Variants in SETX observed in about 807,000 individuals in gnomAD.
The protein encoded by SETX is helicase senataxin.
SETX carries 90 observed loss-of-function variants against 227.2 expected under a neutral mutation model. The ratio of observed to expected loss-of-function variants is 0.40; its 90% CI spans 0.33 to 0.47. The LOEUF (loss-of-function observed/expected upper bound fraction) is 0.47. Among genes scored for constraint, SETX ranks in the 20% least tolerant of loss-of-function variants. The pLI is 0.91. For synonymous variants in SETX, 1,210 were observed against 1,113.2 expected (o/e 1.09, Z -1.73); for missense variants, 3,052 against 3,181.5 (o/e 0.96, Z 0.98).
chr9:132,335,297 A>G (rs1847539102), intron 6 of SETX, among the ~76,000 whole-genome samples: 1 of 143,844 alleles, frequency 7.0e-6, no homozygotes, highest in African/African-American at 2.5e-5. Context: ...AGGCTGAGGC[A>G]GGAGAATGGC....
At chr9:132,324,151 A>G (rs1846557001) in intron 10 of SETX, among the ~76,000 whole-genome samples, 2 of 151,594 alleles carry the variant, frequency 1.3e-5, no homozygotes, top group Admixed American at 1.3e-4. Context: ...TAACTCAGGA[A>G]ATGAAAGTAA....
At chr9:132,338,450 T>C (rs2131517313) in intron 5 of SETX, among the ~76,000 whole-genome samples, 1 of 152,242 alleles carries the variant, frequency 6.6e-6, no homozygotes, top group African/African-American at 2.4e-5. Flanking sequence ...GAAAAGTAAT[T>C]TTCATGTAAG....
rs569453164 is a variant in SETX, at chr9:132,315,021, TC to T, written c.5275-3166del. Among the ~76,000 whole-genome samples, 196 of 148,352 alleles carry T rather than the reference TC, an allele frequency of 1.3e-3. 1 individual carries two copies. The highest frequency in any genetic ancestry group is 4.4e-3 in the African/African-American group (179 of 40,548). On this transcript the variant is annotated intron_variant, in intron 10 of 25. Coordinates refer to ENST00000224140, the MANE Select transcript of SETX (RefSeq NM_015046.7). ...GCCACCTCCCGGGTTCAAGCAATTC[TC>T]CTGCCTCAGCCTCCTGAGTAGCTGG...
chr9:132,323,830 G>A (rs1241002267), intron 10 of SETX, among the ~76,000 whole-genome samples: 1 of 152,046 alleles, frequency 6.6e-6, no homozygotes, highest in East Asian at 1.9e-4. Flanking sequence ...CAGAGGCCAA[G>A]AGGTTGAGGC....
chr9:132,289,631 A>C (rs1467369750), intron 15 of SETX, among the ~76,000 whole-genome samples: 3 of 152,212 alleles, frequency 2.0e-5, no homozygotes, highest in African/African-American at 7.2e-5. Flanking sequence ...TGTAATTTTC[A>C]GAACAGAATC....
chr9:132,301,821 G>A lies in SETX; in HGVS notation c.5375-1018C>T, dbSNP rs1039400279. On this transcript the variant is annotated intron_variant, in intron 11 of 25. Coordinates refer to ENST00000224140, the MANE Select transcript of SETX (RefSeq NM_015046.7). Reference sequence around the variant, plus strand: ...CAACTTCTACGCATTTCAAACAAGTGGGGAAAGACGGTTGTAAACTACATG... The same window carrying A: ...CAACTTCTACGCATTTCAAACAAGTAGGGAAAGACGGTTGTAAACTACATG... Among the ~76,000 whole-genome samples, 3 of 152,128 alleles carry A rather than the reference G, an allele frequency of 2.0e-5. 1 individual carries two copies. The highest frequency in any genetic ancestry group is 4.4e-5 in the Non-Finnish European group (3 of 68,022).
chr9:132,300,725 A>G lies in SETX; in HGVS notation c.5453T>C (p.Ile1818Thr). The G allele has an allele frequency of 1.2e-6, 2 of 1,613,702 alleles. No homozygotes were observed. The highest frequency in any genetic ancestry group is 8.5e-7 in the Non-Finnish European group (1 of 1,179,860). The part of the protein sequence containing the change: ...NDLVFLAPER[I>T]NEEKKDTERN... Reference sequence around the variant, plus strand: ...CTCTGTATCTTTCTTCTCTTCATTTATTCTCTCAGGAGCTAAAAACACCAA... The same window carrying G: ...CTCTGTATCTTTCTTCTCTTCATTTGTTCTCTCAGGAGCTAAAAACACCAA... The change falls in exon 12 of 26, where the codon ATA becomes ACA. Residue 1818 changes from isoleucine (I) to threonine (T), a missense_variant. Ile to Thr is a moderately conservative substitution (Grantham distance 89). Around this residue, in one of 10 missense-constraint regions of SETX, gnomAD observed 239 missense variants for 272.1 expected, o/e 0.88. Transcript: ENST00000224140.
At chr9:132,268,930 G>A (rs1842772718) in intron 25 of SETX, among the ~76,000 whole-genome samples, 1 of 152,230 alleles carries the variant, frequency 6.6e-6, no homozygotes, top group South Asian at 2.1e-4. Flanking sequence ...CCTGGTGGCA[G>A]GAACCAAAAC....
rs1420940368 is a variant in SETX, at chr9:132,328,799, C to T, written c.2799G>A (p.Val933=). 6.2e-7 allele frequency: 1 copy of T among 1,610,538 alleles called. No individual in the cohort carries two copies. The stretch of plus-strand genomic sequence containing the variant: ...GTTCTCTTGTCAAGTTAGAATAAAT[C>T]ACACTGGTACTATTACTCATCTCCT... ...RDEEMSNSTS[V]IYSNLTREQA... is the part of the protein sequence containing the mutation. Residue 933 remains valine (V), a synonymous_variant, in exon 10 of 26, where the codon GTG becomes GTA. Transcript: ENST00000224140.
At position 132,311,827 on chromosome 9, in the gene SETX, A is replaced by G. The variant is rs1436577242; in HGVS notation, c.5304T>C (p.Asn1768=). The change falls in exon 11 of 26, where the codon AAT becomes AAC. Residue 1768 remains asparagine (N), a synonymous_variant. Transcript: ENST00000224140. ...TVAQEWLNSP[N]RENFYQLQVR... ...CTTGCAACTGATAGAAATTCTCTCT[A>G]TTTGGAGAGTTGAGCCATTCTTGTG... The G allele has an allele frequency of 6.2e-7, 1 of 1,613,694 alleles. No individual in the cohort carries two copies. The highest frequency in any genetic ancestry group is 1.7e-5 in the Admixed American group (1 of 60,018).
At chr9:132,310,736 T>C (rs1399418073) in intron 11 of SETX, among the ~76,000 whole-genome samples, 3 of 152,252 alleles carry the variant, frequency 2.0e-5, no homozygotes, top group African/African-American at 7.2e-5. Context: ...GGTCCACTAA[T>C]TCATAGATTC....
intron 20 of SETX, 85 bp from the exon 21 acceptor site, chr9:132,278,342 T>C: frequency 3.7e-6 from 5 of 1,349,466 alleles, no homozygotes; most frequent in Non-Finnish European, 5.3e-6. Flanking sequence ...TGAGATCTAA[T>C]ACGTATATGG....
At chr9:132,322,111 G>A (rs1846399060) in intron 10 of SETX, among the ~76,000 whole-genome samples, 1 of 152,158 alleles carries the variant, frequency 6.6e-6, no homozygotes, top group Non-Finnish European at 1.5e-5. Context: ...CAACCATAAA[G>A]AGGCTCGTTT....
Position 132,269,680 on chromosome 9 carries a change from A to G in SETX, c.7222T>C (p.Leu2408=), listed in dbSNP as rs1464948848. Residue 2408 remains leucine, a synonymous_variant, in exon 25 of 26, where the codon TTG becomes CTG. Transcript: ENST00000224140. ...TTGGCTCGTGTGATGGTGACATTCA[A>G]TCTCTGCAAACTTGCCAGGAATCTA... ...SIGFLASLQR[L]NVTITRAKYS... The G allele has an allele frequency of 2.5e-6, 4 of 1,614,076 alleles. No individual in the cohort carries two copies. Among genetic ancestry groups the G allele is most frequent in the Admixed American group, 1.7e-5 (1 of 60,006 alleles).
intron 6 of SETX, among the ~76,000 whole-genome samples, chr9:132,335,201 T>G (rs55730956): frequency 2.0e-5 from 3 of 151,460 alleles, no homozygotes; most frequent in African/African-American, 4.9e-5. Context: ...CCATCCTGGC[T>G]AACATGGTGA....
chr9:132,322,023 CTTACCATGAAGAATGAAA>C (rs1564530895), intron 10 of SETX, among the ~76,000 whole-genome samples: 1 of 152,098 alleles, frequency 6.6e-6, no homozygotes, highest in African/African-American at 2.4e-5. Context: ...AGCACAAAAC[CTTACCATGAAGAATGAAA>C]CTAATGCTGG....
intron 12 of SETX, among the ~76,000 whole-genome samples, chr9:132,298,607 G>A (rs1435544314): frequency 2.0e-5 from 3 of 152,124 alleles, no homozygotes; most frequent in South Asian, 2.1e-4. Flanking sequence ...AAGCTGGTCC[G>A]AGAAGGTCTT....
chr9:132,316,735 AAGG>A (rs1384898485), intron 10 of SETX, among the ~76,000 whole-genome samples: 1 of 152,184 alleles, frequency 6.6e-6, no homozygotes, highest in Non-Finnish European at 1.5e-5. Context: ...CATATGCAAG[AAGG>A]AGTTCCTTCT....
chr9:132,279,469 G>A (rs915301974), intron 20 of SETX, among the ~76,000 whole-genome samples: 3 of 152,094 alleles, frequency 2.0e-5, no homozygotes, highest in Admixed American at 1.3e-4. Context: ...AAGTAAAAAT[G>A]TGCTGAAAAC....
Sources: gnomAD v4.1 joint callset for allele counts (sites outside exome capture counted in the v4.1 genomes callset) on GRCh38, gnomAD v4.1.1 for gene constraint, gnomAD v4.1.1 regional missense constraint, MANE v1.5 for transcripts, NCBI Gene and HGNC (gene_info 2026-07-23, HGNC 2026-07-21) for gene names.